Variants in LGALS4 observed in about 807,000 individuals in gnomAD.
The protein encoded by LGALS4 is galectin-4.
Under a neutral mutation model 39.6 loss-of-function variants are expected in LGALS4, and 37 were observed. That is an observed-to-expected ratio of 0.93 (90% CI 0.72 to 1.23). LGALS4 has a LOEUF of 1.23. Ranked by LOEUF, LGALS4 falls within the 50% of genes most tolerant of loss-of-function variation. LGALS4 has a pLI of 0.00. For synonymous variants in LGALS4, 160 were observed against 165.5 expected (o/e 0.97, Z 0.25); for missense variants, 397 against 433.2 (o/e 0.92, Z 0.74).
chr19:38,812,367 C>A, intron 2 of LGALS4, 64 bp downstream of exon 2: 2 of 1,442,208 alleles, frequency 1.4e-6, no homozygotes, highest in Non-Finnish European at 9.7e-7. Context: ...CCCCCAACAG[C>A]CAGGCCCAGA....
At chr19:38,802,179 G>A in intron 8 of LGALS4, 22 bp from the exon 9 acceptor site, 1 of 1,611,348 alleles carries the variant, frequency 6.2e-7, no homozygotes, top group Non-Finnish European at 8.5e-7. Flanking sequence ...GAGGGATGGG[G>A]GAGTCAGATG....
rs4575640 is a variant in LGALS4, at chr19:38,805,051, C to T, written c.475-1156G>A. Among the ~76,000 whole-genome samples the T allele has an allele frequency of 7.3e-3, 1,105 of 151,368 alleles. 9 individuals are homozygous for T. Among genetic ancestry groups the T allele is most frequent in the African/African-American group, 0.025 (1,050 of 41,272 alleles). On this transcript the variant is annotated intron_variant, in intron 4 of 9. Coordinates refer to ENST00000307751, the MANE Select transcript of LGALS4 (RefSeq NM_006149.4). Reference sequence around the variant, plus strand: ...TGGTGGTGCGTGCCTGTAGTCCCAGCTACTCAGGAGACTGAGGTGGGAGGA... The same window carrying T: ...TGGTGGTGCGTGCCTGTAGTCCCAGTTACTCAGGAGACTGAGGTGGGAGGA...
At chr19:38,808,657 A>G (rs1442293745) in intron 3 of LGALS4, 87 bp downstream of exon 3, 5 of 1,047,064 alleles carry the variant, frequency 4.8e-6, no homozygotes, top group Non-Finnish European at 7.0e-6. Flanking sequence ...AGAAAGAAAG[A>G]AAAGGAAGGA....
intron 3 of LGALS4, among the ~76,000 whole-genome samples, chr19:38,807,193 C>CT (rs919394300): frequency 4.6e-5 from 7 of 151,642 alleles, no homozygotes; most frequent in African/African-American, 1.7e-4. Flanking sequence ...ATAGCAAGAC[C>CT]CCGTCTTTAC....
At chr19:38,810,816 T>C (rs1971484434) in intron 2 of LGALS4, among the ~76,000 whole-genome samples, 1 of 151,904 alleles carries the variant, frequency 6.6e-6, no homozygotes, top group Non-Finnish European at 1.5e-5. Context: ...AGGGAACCTC[T>C]GTCCGCACAT....
chr19:38,802,356 T>C lies in LGALS4; in HGVS notation c.619A>G (p.Thr207Ala), dbSNP rs2145351405. The C allele has an allele frequency of 6.2e-7, 1 of 1,614,196 alleles. No individual in the cohort carries two copies. The highest frequency in any genetic ancestry group is 2.2e-5 in the East Asian group (1 of 44,880). The change falls in exon 8 of 10, where the codon ACC becomes GCC. Residue 207 changes from threonine to alanine, a missense_variant. Thr to Ala is a moderately conservative substitution (Grantham distance 58). Coordinates refer to ENST00000307751, the MANE Select transcript of LGALS4 (RefSeq NM_006149.4). ...RLQGGLTARR[T>A]IIIKGYVPPT... ...GGCACATAGCCCTTGATGATGATGG[T>C]TCTTCGAGCTGTGAGCCCTCCTTGC...
chr19:38,812,636 C>A, intron 1 of LGALS4, 117 bp from the exon 2 acceptor site: 2 of 1,043,358 alleles, frequency 1.9e-6, no homozygotes, highest in East Asian at 4.8e-5. Context: ...GGGGGAGGAC[C>A]AGGTTGAAGA....
In LGALS4 at chr19:38,803,866, T is replaced by C. The variant is rs1274790478; in HGVS notation, c.501+3A>G. 2 of 1,611,874 alleles carry C rather than the reference T, an allele frequency of 1.2e-6. No homozygotes were observed. The highest frequency in any genetic ancestry group is 1.7e-5 in the Admixed American group (1 of 59,638). On this transcript the variant is annotated splice_donor_region_variant and intron_variant, in intron 5 of 9. Coordinates refer to ENST00000307751, the MANE Select transcript of LGALS4 (RefSeq NM_006149.4). The stretch of plus-strand genomic sequence containing the variant: ...AGACCCTCACCTATCAGCAAGTACT[T>C]ACAGGGTAAGGTGGCATCATCGGGG...
chr19:38,808,400 G>A (rs1206217507), intron 3 of LGALS4, among the ~76,000 whole-genome samples: 3 of 151,956 alleles, frequency 2.0e-5, no homozygotes, highest in Admixed American at 2.0e-4. Context: ...AAGGAGGGCA[G>A]AACACCTGAG....
At chr19:38,812,327 T>C (rs1971503105) in intron 2 of LGALS4, 104 bp downstream of exon 2, 4 of 935,218 alleles carry the variant, frequency 4.3e-6, no homozygotes, top group Admixed American at 4.2e-5. Context: ...AAGAGTCCCC[T>C]CTCCACCAGG....
Position 38,806,565 on chromosome 19 carries a change from A to G in LGALS4, c.370T>C (p.Tyr124His). Residue 124 changes from tyrosine (Y) to histidine (H), a missense_variant, in exon 4 of 10, where the codon TAC becomes CAC. Coordinates refer to ENST00000307751, the MANE Select transcript of LGALS4 (RefSeq NM_006149.4). Reference protein sequence around the residue: ...VVVNGNPFYEYGHRLPLQMVT... With the variant: ...VVVNGNPFYEHGHRLPLQMVT... ...ATCTGTAGGGGAAGCCGGTGCCCGT[A>G]CTCATAGAAGGGATTTCCATTTACC... is the stretch of plus-strand genomic sequence containing the variant. 4 of 1,613,954 alleles carry G rather than the reference A, an allele frequency of 2.5e-6. No individual in the cohort carries two copies. Among genetic ancestry groups the G allele is most frequent in the Non-Finnish European group, 2.5e-6 (3 of 1,179,970 alleles).
chr19:38,808,640 A>AAAAGAAAG (rs1555720049), intron 3 of LGALS4, 104 bp downstream of exon 3: 6 of 774,178 alleles, frequency 7.8e-6, no homozygotes, highest in South Asian at 7.7e-5. Flanking sequence ...AAAAAAAAAA[A>AAAAGAAAG]AAAGAAAGAA....
Position 38,801,726 on chromosome 19 carries a change from A to G in LGALS4, c.*38T>C, listed in dbSNP as rs116200669. 1.0e-3 allele frequency: 1,660 copies of G among 1,608,112 alleles called. 16 individuals are homozygous for G. In the African/African-American group the frequency reaches 0.018, roughly 17 times the overall value. ...GGCTTAGAAAGGAGTCCTAGGGGAT[A>G]ATTCTGTTTTCCCATGAGTTATGGC... is the stretch of plus-strand genomic sequence containing the variant. On this transcript the variant is annotated 3_prime_UTR_variant, in exon 10 of 10. Coordinates refer to ENST00000307751, the MANE Select transcript of LGALS4 (RefSeq NM_006149.4).
chr19:38,803,862 T>C lies in LGALS4; in HGVS notation c.501+7A>G, dbSNP rs775591268. On this transcript the variant is annotated splice_region_variant and intron_variant, in intron 5 of 9. Transcript: ENST00000307751. ...AGGAAGACCCTCACCTATCAGCAAG[T>C]ACTTACAGGGTAAGGTGGCATCATC... The C allele has an allele frequency of 1.9e-6, 3 of 1,611,944 alleles. No individual in the cohort carries two copies. In the Admixed American group the frequency reaches 5.0e-5, roughly 27 times the overall value.
intron 4 of LGALS4, 140 bp from the exon 5 acceptor site, chr19:38,804,035 G>C (rs79532170): frequency 1.0e-5 from 10 of 958,982 alleles, no homozygotes; most frequent in East Asian, 2.6e-5. Context: ...GTGGCACCCC[G>C]ATCACAGATT....
intron 3 of LGALS4, among the ~76,000 whole-genome samples, chr19:38,807,662 G>A (rs1026634179): frequency 6.6e-6 from 1 of 152,072 alleles, no homozygotes; most frequent in African/African-American, 2.4e-5. Context: ...CCATGATGAC[G>A]ATGGCGGTTT....
chr19:38,802,072 TC>T lies in LGALS4; in HGVS notation c.744del (p.Asn249ThrfsTer4). On this transcript the variant is annotated frameshift_variant, in exon 9 of 10. Coordinates refer to ENST00000307751, the MANE Select transcript of LGALS4 (RefSeq NM_006149.4). LOFTEE classifies it high-confidence loss of function. ...CCCCACGAGCCATTCAGAAGGCTGT[TC>T]CGGACCACGGTACCGTTGCCCATGC... ...NPRMGNGTVV[R>X]NSLLNGSWGS... 6.2e-7 allele frequency: 1 copy of T among 1,614,216 alleles called. No individual in the cohort carries two copies. Among genetic ancestry groups the T allele is most frequent in the Non-Finnish European group, 8.5e-7 (1 of 1,180,044 alleles).
chr19:38,807,708 AAG>A (rs1971438839), intron 3 of LGALS4, among the ~76,000 whole-genome samples: 1 of 152,184 alleles, frequency 6.6e-6, no homozygotes, highest in Admixed American at 6.5e-5. Flanking sequence ...GGGGAAAAGA[AAG>A]AGAGATCAGA....
intron 2 of LGALS4, among the ~76,000 whole-genome samples, chr19:38,809,637 T>C (rs1415342697): frequency 6.8e-6 from 1 of 147,594 alleles, no homozygotes; most frequent in Non-Finnish European, 1.5e-5. Flanking sequence ...CATGCCACTA[T>C]GCCTGGCTTT....
Sources: allele counts gnomAD v4.1 joint callset (sites outside exome capture counted in the v4.1 genomes callset), GRCh38; gene constraint gnomAD v4.1.1; transcripts MANE v1.5; gene names NCBI Gene and HGNC (gene_info 2026-07-23, HGNC 2026-07-21).